Variants in IMMT observed in about 807,000 individuals in gnomAD.
IMMT encodes the protein inner membrane mitochondrial protein.
Under a neutral mutation model 92.7 loss-of-function variants are expected in IMMT, and 40 were observed. That is an observed-to-expected ratio of 0.43 (90% confidence interval 0.34 to 0.56). The LOEUF (loss-of-function observed/expected upper bound fraction) is 0.56. Ranked by LOEUF, IMMT falls within the 20% of genes least tolerant of loss-of-function variation. The pLI is 0.03. For synonymous variants in IMMT, 322 were observed against 336.1 expected (o/e 0.96, Z 0.46); for missense variants, 831 against 912.1 (o/e 0.91, Z 1.14).
At chr2:86,155,177 T>G (rs1558816007) in intron 10 of IMMT, among the ~76,000 whole-genome samples, 2 of 152,120 alleles carry the variant, frequency 1.3e-5, no homozygotes, top group Non-Finnish European at 2.9e-5. Flanking sequence ...CTGACCTTCT[T>G]AATAACCTTT....
intron 6 of IMMT, 84 bp downstream of exon 6, chr2:86,170,665 G>T: frequency 1.1e-6 from 1 of 872,894 alleles, no homozygotes; most frequent in Non-Finnish European, 1.8e-6. Context: ...CTAGGTGATA[G>T]ATGACAAACT....
intron 3 of IMMT, among the ~76,000 whole-genome samples, chr2:86,178,992 C>T (rs965390588): frequency 2.6e-5 from 4 of 152,100 alleles, no homozygotes; most frequent in African/African-American, 4.8e-5. Flanking sequence ...AACCCGGAGG[C>T]GGAGGTTGCG....
intron 1 of IMMT, among the ~76,000 whole-genome samples, chr2:86,182,618 G>T (rs72936402): frequency 6.6e-6 from 1 of 152,134 alleles, no homozygotes; most frequent in Admixed American, 6.6e-5. Flanking sequence ...CGGCGCAGGC[G>T]GGGATTGCTT....
intron 13 of IMMT, 66 bp downstream of exon 13, chr2:86,147,636 A>G: frequency 6.7e-7 from 1 of 1,489,834 alleles, no homozygotes; most frequent in Admixed American, 2.2e-5. Flanking sequence ...GTACATTAAA[A>G]GGAAAGGAGA....
In IMMT at chr2:86,166,498, T is replaced by C. The variant is rs548469603; in HGVS notation, c.792+10A>G. 9.4e-6 allele frequency: 15 copies of C among 1,601,036 alleles called. No homozygotes were observed. Among genetic ancestry groups the C allele is most frequent in the Middle Eastern group, 2.2e-4 (1 of 4,612 alleles). ...CAGCCAGAACACTTCTAATCATTCA[T>C]TGGGCTCACCTCAGAATTGTCCATG... is the stretch of plus-strand genomic sequence containing the variant. On this transcript the variant is annotated intron_variant, in intron 7 of 14. Transcript: ENST00000410111.
chr2:86,177,431 C>T (rs1558833884), intron 3 of IMMT, among the ~76,000 whole-genome samples: 1 of 151,736 alleles, frequency 6.6e-6, no homozygotes, highest in Non-Finnish European at 1.5e-5. Context: ...GGTGAAACCC[C>T]ATCTCTACTA....
At chr2:86,148,617 G>C (rs559646245) in intron 12 of IMMT, among the ~76,000 whole-genome samples, 1 of 151,790 alleles carries the variant, frequency 6.6e-6, no homozygotes, top group Admixed American at 6.6e-5. Flanking sequence ...ATCTCAAAAA[G>C]AAAAAAGAAA....
chr2:86,169,053 C>G (rs568293239), intron 6 of IMMT, among the ~76,000 whole-genome samples: 2 of 152,278 alleles, frequency 1.3e-5, no homozygotes, highest in South Asian at 4.1e-4. Context: ...AAATATTTCA[C>G]ATGCAAATGC....
chr2:86,153,747 TG>T (rs1368326724), intron 10 of IMMT, among the ~76,000 whole-genome samples, 173 bp from the exon 11 acceptor site: 1 of 152,238 alleles, frequency 6.6e-6, no homozygotes, highest in Non-Finnish European at 1.5e-5. Context: ...AAATTTAAAC[TG>T]TAAAACAAGA....
Position 86,144,267 on chromosome 2 carries a change from C to T in IMMT, c.*1G>A, listed in dbSNP as rs1376605596. On this transcript the variant is annotated 3_prime_UTR_variant, in exon 15 of 15. Transcript: ENST00000410111. ...TGACTTTATGAAAATCTTCCTAAAC[C>T]TCACTCTGGCTGCACCTGAGTGGTT... 4 of 1,613,232 alleles carry T rather than the reference C, an allele frequency of 2.5e-6. No individual in the cohort carries two copies. Among genetic ancestry groups the T allele is most frequent in the South Asian group, 1.1e-5 (1 of 91,074 alleles).
chr2:86,153,618 A>T (rs781217025), intron 10 of IMMT, 44 bp from the exon 11 acceptor site: 2 of 1,301,090 alleles, frequency 1.5e-6, no homozygotes, highest in Non-Finnish European at 2.1e-6. Context: ...AAGAATGCAC[A>T]TACTTTAGTT....
chr2:86,144,799 G>A lies in IMMT; in HGVS notation c.1746C>T (p.Thr582=), dbSNP rs1413884231. 2 of 1,612,902 alleles carry A rather than the reference G, an allele frequency of 1.2e-6. No individual in the cohort carries two copies. The highest frequency in any genetic ancestry group is 2.2e-5 in the South Asian group (2 of 91,032). ...GGATAGTAGGTGTTTCTGCAGATGA[G>A]GTCTTCATGCTGTACTTTAATGCCT... ...SVEALKYSMK[T]SSAETPTIPL... The change falls in exon 15 of 15, where the codon ACC becomes ACT. Residue 582 remains threonine, a synonymous_variant. Transcript: ENST00000410111.
intron 13 of IMMT, 105 bp downstream of exon 13, chr2:86,147,594 AAGG>A (rs1198476455): frequency 4.6e-6 from 5 of 1,077,486 alleles, no homozygotes; most frequent in Non-Finnish European, 2.6e-6. Flanking sequence ...GTAGACATAC[AAGG>A]AGATTTCCAA....
chr2:86,165,288 G>A (rs548361184), intron 7 of IMMT, among the ~76,000 whole-genome samples: 4 of 152,242 alleles, frequency 2.6e-5, no homozygotes, highest in South Asian at 2.1e-4. Context: ...CTTACATCAC[G>A]CAACTTCTAG....
chr2:86,171,269 C>T lies in IMMT; in HGVS notation c.498G>A (p.Glu166=), dbSNP rs535383195. The change falls in exon 5 of 15, where the codon GAG becomes GAA. Residue 166 remains glutamate (E), a synonymous_variant. Coordinates refer to ENST00000410111, the MANE Select transcript of IMMT (RefSeq NM_006839.3). ...CAGGGTGATCAGTTTTTAAAGATTC[C>T]TCAGGCTGAACTGCAGGGGCTGGGA... ...LSVPAPAVQP[E]ESLKTDHPEI... 5 of 1,608,470 alleles carry T rather than the reference C, an allele frequency of 3.1e-6. No homozygotes were observed. The Admixed American group carries it at 8.4e-5, about 27-fold the overall frequency.
At chr2:86,149,599 C>T (rs1350704729) in intron 12 of IMMT, among the ~76,000 whole-genome samples, 1 of 152,088 alleles carries the variant, frequency 6.6e-6, no homozygotes, top group South Asian at 2.1e-4. Flanking sequence ...TGGGGAAGGC[C>T]GGGCATGGTA....
chr2:86,158,637 G>C lies in IMMT; in HGVS notation c.1117C>G (p.Leu373Val), dbSNP rs1270248635. ...AGGACTTCTGGAGTAATACTGTCCA[G>C]CTCTCGTTTAAAGTCATCCCGAGCT... ...VQARDDFKRE[L>V]DSITPEVLPG... is the part of the protein sequence containing the mutation. Residue 373 changes from leucine to valine, a missense_variant, in exon 10 of 15, where the codon CTG (leucine) becomes GTG (valine). By Grantham distance (32) the Leu-to-Val change is conservative. Coordinates refer to ENST00000410111, the MANE Select transcript of IMMT (RefSeq NM_006839.3). 2 of 1,606,908 alleles carry C rather than the reference G, an allele frequency of 1.2e-6. No homozygotes were observed. Among genetic ancestry groups the C allele is most frequent in the Admixed American group, 3.4e-5 (2 of 59,110 alleles).
Position 86,171,860 on chromosome 2 carries a change from A to ATTTTTT in IMMT, c.422-516_422-515insAAAAAA, listed in dbSNP as rs375045380. Among the ~76,000 whole-genome samples the ATTTTTT allele has an allele frequency of 3.6e-3, 406 of 112,530 alleles. 1 individual carries two copies. Among genetic ancestry groups the ATTTTTT allele is most frequent in the African/African-American group, 0.011 (380 of 33,812 alleles). The allele number at this position is 112,530 out of a possible 152,430, so 73.8% of individuals were successfully genotyped here. Reference sequence around the variant, plus strand: ...TGAGTTAAAATACATATATATATATATATTTTTTGCACACTTTGGGAGGCC... The same window carrying ATTTTTT: ...TGAGTTAAAATACATATATATATATATTTTTTTATTTTTTGCACACTTTGGGAGGCC... On this transcript the variant is annotated intron_variant, in intron 4 of 14. Transcript: ENST00000410111.
intron 7 of IMMT, 138 bp from the exon 8 acceptor site, chr2:86,162,217 CTCTTAATTTAAGGCTTATGT>C (rs1225335087): frequency 7.2e-6 from 4 of 553,584 alleles, no homozygotes; most frequent in South Asian, 2.4e-5. Context: ...AGAGTAAGAA[CTCTTAATTTAAGGCTTATGT>C]TCTTAATTTA....
Sources: allele counts gnomAD v4.1 joint callset (sites outside exome capture counted in the v4.1 genomes callset), GRCh38; gene constraint gnomAD v4.1.1; transcripts MANE v1.5; gene names NCBI Gene and HGNC (gene_info 2026-07-23, HGNC 2026-07-21).